SEL1L2: variants seen among roughly 807,000 people sequenced by gnomAD.
SEL1L2 encodes protein sel-1 homolog 2.
A neutral mutation model predicts 98.8 loss-of-function variants in SEL1L2; 89 were observed. The ratio of observed to expected loss-of-function variants is 0.90; its 90% confidence interval spans 0.76 to 1.07. The LOEUF (loss-of-function observed/expected upper bound fraction) is 1.07, where lower values mean the gene tolerates loss of function less well. SEL1L2 is among the 50% of genes least tolerant of loss of function. The pLI is 0.00. For synonymous variants in SEL1L2, 262 were observed against 278.5 expected (o/e 0.94, Z 0.59); for missense variants, 788 against 812.0 (o/e 0.97, Z 0.36).
chr20:13,865,465 G>A lies in SEL1L2; in HGVS notation c.1454C>T (p.Thr485Ile). The change falls in exon 16 of 20, where the codon ACA becomes ATA. Residue 485 changes from threonine (T) to isoleucine (I), a missense_variant. Physicochemically the swap from Thr to Ile is moderately conservative, Grantham distance 89 (BLOSUM62 -1). Coordinates refer to ENST00000284951, the MANE Select transcript of SEL1L2 (RefSeq NM_025229.2). ...ELGHWAEKFL[T>I]AYFAYKDGDI... ...ACCATCCTTATAGGCAAAGTAAGCT[G>A]TCAGGAATTTCTCAGCCCAGTGGCC... is the stretch of plus-strand genomic sequence containing the variant. The A allele has an allele frequency of 6.2e-7, 1 of 1,614,084 alleles. No individual in the cohort carries two copies. Among genetic ancestry groups the A allele is most frequent in the African/African-American group, 1.3e-5 (1 of 75,034 alleles).
intron 18 of SEL1L2, among the ~76,000 whole-genome samples, chr20:13,855,279 A>G (rs1052688160): frequency 6.6e-6 from 1 of 152,164 alleles, no homozygotes; most frequent in African/African-American, 2.4e-5. Flanking sequence ...TCACACCACT[A>G]TTACCAAGGT....
intron 2 of SEL1L2, among the ~76,000 whole-genome samples, chr20:13,937,767 C>G (rs926630218): frequency 3.3e-5 from 5 of 152,138 alleles, no homozygotes; most frequent in African/African-American, 1.2e-4. Flanking sequence ...GTAAAATAGG[C>G]TGCCTTGAAT....
chr20:13,907,761 C>CTT (rs2048023779), intron 5 of SEL1L2, among the ~76,000 whole-genome samples: 1 of 102,314 alleles, frequency 9.8e-6, no homozygotes, highest in Non-Finnish European at 2.1e-5. Flanking sequence ...CTTTTCTTTT[C>CTT]TTTTCTTTTT....
intron 2 of SEL1L2, among the ~76,000 whole-genome samples, chr20:13,937,472 TG>T: frequency 1.3e-5 from 2 of 152,220 alleles, no homozygotes; most frequent in Admixed American, 1.3e-4. Context: ...TAGGAGGTGG[TG>T]GGGGCTGGCT....
chr20:13,920,604 CAT>C (rs1003940263), intron 3 of SEL1L2, among the ~76,000 whole-genome samples: 34 of 144,362 alleles, frequency 2.4e-4, no homozygotes, highest in African/African-American at 6.4e-4. Flanking sequence ...CACACACACA[CAT>C]ACAGCCTTTT....
intron 3 of SEL1L2, among the ~76,000 whole-genome samples, chr20:13,924,649 C>T (rs1175220973): frequency 1.3e-5 from 2 of 151,948 alleles, no homozygotes; most frequent in East Asian, 3.9e-4. Flanking sequence ...GTTCTCTAAT[C>T]CTTGGACTTA....
intron 3 of SEL1L2, among the ~76,000 whole-genome samples, chr20:13,930,755 CTA>C (rs2049108150): frequency 1.3e-5 from 2 of 152,112 alleles, no homozygotes; most frequent in Non-Finnish European, 2.9e-5. Context: ...AGCCCCAAAA[CTA>C]TTCTCTTTCT....
At chr20:13,915,109 C>G in intron 4 of SEL1L2, 1 of 1,287,870 alleles carries the variant, frequency 7.8e-7, no homozygotes, top group Non-Finnish European at 1.0e-6. Flanking sequence ...TTAGGAGGAT[C>G]AGGAGACTCA....
intron 3 of SEL1L2, among the ~76,000 whole-genome samples, chr20:13,929,872 C>A (rs2049065144): frequency 6.6e-6 from 1 of 152,024 alleles, no homozygotes; most frequent in African/African-American, 2.4e-5. Context: ...CTCACTGCAG[C>A]CTCCGCCTCC....
intron 5 of SEL1L2, among the ~76,000 whole-genome samples, chr20:13,895,771 A>C (rs1355194625): frequency 6.6e-6 from 1 of 152,212 alleles, no homozygotes; most frequent in Non-Finnish European, 1.5e-5. Context: ...AAAAGAAATA[A>C]AAGTTATCCA....
intron 1 of SEL1L2, among the ~76,000 whole-genome samples, chr20:13,967,447 T>A (rs2260930): frequency 0.96 from 146,944 of 152,278 alleles, 71,014 homozygotes; most frequent in East Asian, 1. Flanking sequence ...GAAAAAATAT[T>A]TAAAAGGCAC....
chr20:13,909,910 G>T (rs141821226), intron 5 of SEL1L2, among the ~76,000 whole-genome samples: 2,141 of 152,218 alleles, frequency 0.014, 52 homozygotes, highest in African/African-American at 0.049. Context: ...GGTGGAGGTT[G>T]CAGCGAGCCA....
intron 4 of SEL1L2, 102 bp from the exon 5 acceptor site, chr20:13,914,046 G>A (rs1319437098): frequency 9.7e-7 from 1 of 1,035,280 alleles, no homozygotes; most frequent in South Asian, 1.7e-5. Context: ...GCAGGAACCA[G>A]TTGTCATACA....
chr20:13,935,668 G>A (rs1200914890), intron 2 of SEL1L2, among the ~76,000 whole-genome samples: 2 of 152,144 alleles, frequency 1.3e-5, no homozygotes, highest in African/African-American at 2.4e-5. Context: ...GAGAGGCAGC[G>A]CTGGGGCCAG....
At chr20:13,941,478 G>A (rs1387030463) in intron 2 of SEL1L2, among the ~76,000 whole-genome samples, 2 of 152,174 alleles carry the variant, frequency 1.3e-5, no homozygotes, top group African/African-American at 4.8e-5. Context: ...TTCAAGTGAT[G>A]AGTGGCACAG....
intron 3 of SEL1L2, among the ~76,000 whole-genome samples, chr20:13,929,759 C>T (rs1367658717): frequency 6.6e-6 from 1 of 150,436 alleles, no homozygotes; most frequent in African/African-American, 2.5e-5. Context: ...CTTGGCCTCC[C>T]AAAGTGCTGG....
intron 5 of SEL1L2, among the ~76,000 whole-genome samples, chr20:13,908,369 C>T (rs2148152771): frequency 6.6e-6 from 1 of 152,220 alleles, no homozygotes; most frequent in African/African-American, 2.4e-5. Flanking sequence ...AGCAATCCTC[C>T]TGCTTCAGCC....
intron 18 of SEL1L2, among the ~76,000 whole-genome samples, chr20:13,851,769 G>A (rs944779316): frequency 3.3e-5 from 5 of 151,774 alleles, no homozygotes. Context: ...CACAAACTGT[G>A]GTCATCCTAA....
At position 13,869,534 on chromosome 20, in the gene SEL1L2, G is replaced by A. The variant is rs529645967; in HGVS notation, c.1224C>T (p.Asp408=). ...FQKAAEKGWP[D]AQFQLGFMYY... is the part of the protein sequence containing the mutation. ...ACATGAAGCCTAACTGGAACTGTGCGTCGGGCCACCCTTTTTCCGCAGCTT... is the reference window on the plus strand; with the variant it reads ...ACATGAAGCCTAACTGGAACTGTGCATCGGGCCACCCTTTTTCCGCAGCTT... The change falls in exon 14 of 20, where the codon GAC becomes GAT. Residue 408 remains aspartate (D), a synonymous_variant. Coordinates refer to ENST00000284951, the MANE Select transcript of SEL1L2 (RefSeq NM_025229.2). 55 of 1,614,038 alleles carry A rather than the reference G, an allele frequency of 3.4e-5. No individual in the cohort carries two copies. The highest frequency in any genetic ancestry group is 1.0e-4 in the Admixed American group (6 of 60,012).
Sources: allele counts gnomAD v4.1 joint callset (sites outside exome capture counted in the v4.1 genomes callset), GRCh38; gene constraint gnomAD v4.1.1; transcripts MANE v1.5; gene names NCBI Gene and HGNC (gene_info 2026-07-23, HGNC 2026-07-21).